Variants in STXBP6 observed in about 807,000 individuals in gnomAD.
STXBP6 encodes syntaxin-binding protein 6.
Under a neutral mutation model 26.9 loss-of-function variants are expected in STXBP6, and 21 were observed. The ratio of observed to expected loss-of-function variants is 0.78; its 90% CI spans 0.55 to 1.12. The LOEUF (loss-of-function observed/expected upper bound fraction) is 1.12. Ranked by LOEUF, STXBP6 falls within the 50% of genes most tolerant of loss-of-function variation. The pLI is 0.00. For synonymous variants in STXBP6, 97 were observed against 92.6 expected, an observed-to-expected ratio of 1.05 and a Z score of -0.27; for missense variants, 232 against 257.9, an observed-to-expected ratio of 0.90 and a Z score of 0.69.
intron 1 of STXBP6, among the ~76,000 whole-genome samples, chr14:25,018,252 A>C (rs550252270): frequency 9.2e-5 from 14 of 152,038 alleles, no homozygotes; most frequent in Non-Finnish European, 2.1e-4. Flanking sequence ...ACTGACTCCT[A>C]ACACAGCTAA....
intron 4 of STXBP6, 139 bp from the exon 5 acceptor site, chr14:24,819,333 C>A (rs553004835): frequency 1.7e-5 from 16 of 966,714 alleles, no homozygotes; most frequent in Admixed American, 6.1e-5. Context: ...AGGAAACAAG[C>A]CGACATTTCT....
At chr14:24,889,843 C>T (rs1356053412) in intron 2 of STXBP6, among the ~76,000 whole-genome samples, 1 of 152,130 alleles carries the variant, frequency 6.6e-6, no homozygotes, top group Non-Finnish European at 1.5e-5. Context: ...TTATTTCTTA[C>T]CATACATTAA....
At chr14:24,930,178 C>T (rs990725232) in intron 2 of STXBP6, among the ~76,000 whole-genome samples, 1 of 152,198 alleles carries the variant, frequency 6.6e-6, no homozygotes, top group African/African-American at 2.4e-5. Context: ...CTCATCCCAC[C>T]GTTCTGCAGA....
At chr14:25,022,113 A>T (rs1034826948) in intron 1 of STXBP6, among the ~76,000 whole-genome samples, 1 of 152,254 alleles carries the variant, frequency 6.6e-6, no homozygotes, top group African/African-American at 2.4e-5. Flanking sequence ...CAAGTAAAAG[A>T]AATCTTGGTT....
At chr14:24,925,680 C>T (rs1410101846) in intron 2 of STXBP6, among the ~76,000 whole-genome samples, 1 of 152,168 alleles carries the variant, frequency 6.6e-6, no homozygotes, top group Non-Finnish European at 1.5e-5. Flanking sequence ...TAAGGATTAA[C>T]AAGGTCCTAT....
At chr14:24,834,269 T>A (rs1192517777) in intron 4 of STXBP6, among the ~76,000 whole-genome samples, 2 of 152,226 alleles carry the variant, frequency 1.3e-5, no homozygotes, top group African/African-American at 4.8e-5. Flanking sequence ...TGCTGGATTA[T>A]AGGTGTAAGC....
At chr14:24,846,597 C>T (rs1217592008) in intron 4 of STXBP6, among the ~76,000 whole-genome samples, 1 of 152,128 alleles carries the variant, frequency 6.6e-6, no homozygotes, top group Non-Finnish European at 1.5e-5. Context: ...TGAATTCCAG[C>T]TGAATAATGG....
intron 2 of STXBP6, among the ~76,000 whole-genome samples, chr14:24,898,449 C>T (rs140741288): frequency 5.5e-4 from 83 of 152,166 alleles, no homozygotes; most frequent in African/African-American, 8.7e-4. Flanking sequence ...GAGGCCAAGG[C>T]GGGTGGATCA....
intron 2 of STXBP6, among the ~76,000 whole-genome samples, chr14:24,915,779 T>TC (rs1188911944): frequency 1.3e-5 from 2 of 152,072 alleles, no homozygotes; most frequent in Admixed American, 1.3e-4. Context: ...AATCAATCAC[T>TC]CCCTCTCTCA....
At chr14:25,020,961 A>T (rs970165045) in intron 1 of STXBP6, among the ~76,000 whole-genome samples, 1 of 152,172 alleles carries the variant, frequency 6.6e-6, no homozygotes, top group Non-Finnish European at 1.5e-5. Flanking sequence ...CGTGAGTACC[A>T]ACTGCAAATG....
At chr14:24,943,078 A>G (rs1006376859) in intron 2 of STXBP6, among the ~76,000 whole-genome samples, 5 of 152,200 alleles carry the variant, frequency 3.3e-5, no homozygotes, top group Non-Finnish European at 7.3e-5. Context: ...ATCTTGCCCA[A>G]TATTCTTTCT....
At chr14:24,834,130 G>T (rs2068541540) in intron 4 of STXBP6, among the ~76,000 whole-genome samples, 1 of 152,092 alleles carries the variant, frequency 6.6e-6, no homozygotes, top group Admixed American at 6.5e-5. Context: ...GAGTAGCTGG[G>T]ATTGCAGATG....
At chr14:25,036,609 C>T (rs1219630660) in intron 1 of STXBP6, among the ~76,000 whole-genome samples, 4 of 152,146 alleles carry the variant, frequency 2.6e-5, no homozygotes. Context: ...AATCATAGCA[C>T]TCTGGGAGGC....
intron 1 of STXBP6, among the ~76,000 whole-genome samples, chr14:25,016,457 T>G (rs1246104301): frequency 6.6e-6 from 1 of 152,160 alleles, no homozygotes; most frequent in East Asian, 1.9e-4. Flanking sequence ...AGAGAGTGAG[T>G]ATTTCCTGGC....
At chr14:25,014,678 T>C (rs1241700989) in intron 1 of STXBP6, among the ~76,000 whole-genome samples, 2 of 152,204 alleles carry the variant, frequency 1.3e-5, no homozygotes, top group Non-Finnish European at 2.9e-5. Context: ...CAGGGTATGT[T>C]CTGCAAAGAA....
intron 2 of STXBP6, among the ~76,000 whole-genome samples, chr14:24,880,765 AT>A (rs1177295745): frequency 6.6e-6 from 1 of 152,190 alleles, no homozygotes; most frequent in African/African-American, 2.4e-5. Flanking sequence ...TGAACTGATG[AT>A]TATGATGGAT....
intron 4 of STXBP6, among the ~76,000 whole-genome samples, chr14:24,847,605 T>C (rs978602138): frequency 6.6e-6 from 1 of 152,200 alleles, no homozygotes; most frequent in East Asian, 1.9e-4. Flanking sequence ...GTTTCAGAAC[T>C]ACCACTTCAT....
chr14:24,986,081 A>G (rs1481912451), intron 1 of STXBP6, among the ~76,000 whole-genome samples: 1 of 152,206 alleles, frequency 6.6e-6, no homozygotes, highest in Non-Finnish European at 1.5e-5. Flanking sequence ...GGGAATGATG[A>G]TAACAGAGAA....
chr14:24,899,002 G>A (rs554458905), intron 2 of STXBP6, among the ~76,000 whole-genome samples: 95 of 149,144 alleles, frequency 6.4e-4, no homozygotes, highest in Middle Eastern at 3.5e-3. Flanking sequence ...GCCCTTCTCC[G>A]TTCCCCAGAG....
Sources: gnomAD v4.1 joint callset for allele counts (sites outside exome capture counted in the v4.1 genomes callset) on GRCh38, gnomAD v4.1.1 for gene constraint, MANE v1.5 for transcripts, NCBI Gene and HGNC (gene_info 2026-07-23, HGNC 2026-07-21) for gene names.